Variants in AGPAT4 observed in about 807,000 individuals in gnomAD.
The protein encoded by AGPAT4 is 1-acylglycerol-3-phosphate O-acyltransferase 4.
AGPAT4 carries 15 observed loss-of-function variants against 48.0 expected under a neutral mutation model. The observed-to-expected ratio is 0.31, with a 90% confidence interval of 0.21 to 0.48. The LOEUF is 0.48. Ranked by LOEUF, AGPAT4 falls within the 20% of genes least tolerant of loss-of-function variation. AGPAT4 has a pLI of 0.99. For missense variants in AGPAT4, 314 were observed against 482.5 expected, an observed-to-expected ratio of 0.65 and a Z score of 3.27; for synonymous variants, 178 against 198.7, an observed-to-expected ratio of 0.90 and a Z score of 0.88.
In AGPAT4 at chr6:161,184,467, G is replaced by C. The variant is rs1780708008; in HGVS notation, c.179-18050C>G. ...GGGAGATAGAGGGGCAGGTGATGGA[G>C]GAGTCTGGCATTTGGGTTTGAACAC... On this transcript the variant is annotated intron_variant, in intron 2 of 8. Coordinates refer to ENST00000320285, the MANE Select transcript of AGPAT4 (RefSeq NM_020133.3). This position sits in a 1 kb window ranked among gnomAD's most constrained non-coding sequence, Gnocchi z 4.8. Among the ~76,000 whole-genome samples, 1 of 152,020 alleles carries C rather than the reference G, an allele frequency of 6.6e-6. No individual in the cohort carries two copies. The highest frequency in any genetic ancestry group is 1.5e-5 in the Non-Finnish European group (1 of 67,990).
In AGPAT4 at chr6:161,216,439, G is replaced by A. The variant is rs113479702; in HGVS notation, c.178+15597C>T. Among the ~76,000 whole-genome samples the A allele has an allele frequency of 7.2e-4, 110 of 152,258 alleles. No individual in the cohort carries two copies. Among genetic ancestry groups the A allele is most frequent in the African/African-American group, 2.5e-3 (102 of 41,548 alleles). ...CTCACTCTCCTCAGGACAGTGAAAC[G>A]CTTCCGGGCAATCGTTCTTTCCTCA... On this transcript the variant is annotated intron_variant, in intron 2 of 8. Coordinates refer to ENST00000320285, the MANE Select transcript of AGPAT4 (RefSeq NM_020133.3). The surrounding 1 kb of genome is among the most constrained non-coding windows in gnomAD (Gnocchi z 4.8).
In AGPAT4 at chr6:161,155,535, A is replaced by C. The variant is rs1243651562; in HGVS notation, c.349-1225T>G. On this transcript the variant is annotated intron_variant, in intron 3 of 8. Coordinates refer to ENST00000320285, the MANE Select transcript of AGPAT4 (RefSeq NM_020133.3). The surrounding 1 kb of genome is among the most constrained non-coding windows in gnomAD (Gnocchi z 5.8). ...CTACTGGCAGAACAGAAAAAGGTCT[A>C]AACAGCCAATTGCTACCCTACTTTA... is the stretch of plus-strand genomic sequence containing the variant. Among the ~76,000 whole-genome samples the C allele has an allele frequency of 6.6e-6, 1 of 152,210 alleles. No homozygotes were observed. The highest frequency in any genetic ancestry group is 1.9e-4 in the East Asian group (1 of 5,184).
At chr6:161,228,660 G>GAAAAAAAAAAA (rs1562347784) in intron 2 of AGPAT4, among the ~76,000 whole-genome samples, 1 of 53,020 alleles carries the variant, frequency 1.9e-5, no homozygotes, top group African/African-American at 1.8e-4. Context: ...TGTCAGAGAG[G>GAAAAAAAAAAA]TAAAAAAAAA....
At position 161,166,224 on chromosome 6, in the gene AGPAT4, G is replaced by GT. The variant is rs1562320619; in HGVS notation, c.348+23_348+24insA. ...CTGAACCAGAGAAATGTGTGAGGCA[G>GT]GGGGGAATGCACTTCTGACTTACCC... On this transcript the variant is annotated intron_variant, in intron 3 of 8. Transcript: ENST00000320285. This position sits in a 1 kb window ranked among gnomAD's most constrained non-coding sequence, Gnocchi z 6.7. The GT allele has an allele frequency of 6.2e-7, 1 of 1,609,488 alleles. No homozygotes were observed.
Position 161,155,187 on chromosome 6 carries a change from C to T in AGPAT4, c.349-877G>A, listed in dbSNP as rs974659037. 1.3e-5 allele frequency among the ~76,000 whole-genome samples: 2 copies of T among 152,330 alleles called. No individual in the cohort carries two copies. The highest frequency in any genetic ancestry group is 2.4e-5 in the African/African-American group (1 of 41,578). On this transcript the variant is annotated intron_variant, in intron 3 of 8. Transcript: ENST00000320285. This position sits in a 1 kb window ranked among gnomAD's most constrained non-coding sequence, Gnocchi z 5.8. ...CTCGGTGTGGCCCTCCCCAGCCAGG[C>T]GTCCACTACATCAGTCCCCCTACAC...
chr6:161,237,818 C>T (rs1235426179), intron 1 of AGPAT4, among the ~76,000 whole-genome samples: 2 of 152,144 alleles, frequency 1.3e-5, no homozygotes, highest in South Asian at 2.1e-4. Flanking sequence ...CTCCATTTCC[C>T]AGCCCCCGTG....
intron 2 of AGPAT4, among the ~76,000 whole-genome samples, chr6:161,205,369 T>C (rs1781352731): frequency 2.0e-5 from 3 of 152,080 alleles, no homozygotes; most frequent in Admixed American, 1.3e-4. Context: ...CTATGTCCTG[T>C]GGGGGAGGTT....
intron 2 of AGPAT4, among the ~76,000 whole-genome samples, chr6:161,172,770 T>C (rs942245048): frequency 4.6e-5 from 7 of 152,120 alleles, no homozygotes; most frequent in African/African-American, 1.2e-4. Context: ...ATTAGGTATA[T>C]CTCCTAATGC....
rs114373008 is a variant in AGPAT4 at position 161,132,427 on chromosome 6, C to G, written c.*4113G>C. The G allele has an allele frequency of 2.4e-4, 37 of 152,364 alleles. No homozygotes were observed. The highest frequency in any genetic ancestry group is 8.9e-4 in the African/African-American group (37 of 41,578). 9.4% of individuals were successfully genotyped at this position (152,364 alleles called of 1,614,324 possible). On this transcript the variant is annotated 3_prime_UTR_variant, in exon 9 of 9. Transcript: ENST00000320285. Reference sequence around the variant, plus strand: ...AGAGCCTGAGATTCAAGATGCTGGTCTCTTCTGAACACACCGTGGAGCAAT... The same window carrying G: ...AGAGCCTGAGATTCAAGATGCTGGTGTCTTCTGAACACACCGTGGAGCAAT...
Position 161,243,017 on chromosome 6 carries a change from T to G in AGPAT4, c.-89-10715A>C, listed in dbSNP as rs1245738026. 6.6e-6 allele frequency among the ~76,000 whole-genome samples: 1 copy of G among 152,020 alleles called. No homozygotes were observed. Among genetic ancestry groups the G allele is most frequent in the Non-Finnish European group, 1.5e-5 (1 of 68,002 alleles). Reference sequence around the variant, plus strand: ...GGTGGAGGTTGCAGTGAGTGGAGATTGCGCCACTGCACTCCAGCTTGGGCG... The same window carrying G: ...GGTGGAGGTTGCAGTGAGTGGAGATGGCGCCACTGCACTCCAGCTTGGGCG... On this transcript the variant is annotated intron_variant, in intron 1 of 8. Coordinates refer to ENST00000320285, the MANE Select transcript of AGPAT4 (RefSeq NM_020133.3). This position sits in a 1 kb window ranked among gnomAD's most constrained non-coding sequence, Gnocchi z 4.8.
rs1246765181 is a variant in AGPAT4, at chr6:161,161,070, A to G, written c.348+5178T>C. ...GATACCAAGTCGGTGTACAGCAGAC[A>G]GCACAGGCTGTGACCGTTTGCTGAG... On this transcript the variant is annotated intron_variant, in intron 3 of 8. Coordinates refer to ENST00000320285, the MANE Select transcript of AGPAT4 (RefSeq NM_020133.3). The surrounding 1 kb of genome is among the most constrained non-coding windows in gnomAD (Gnocchi z 4.6). 6.6e-6 allele frequency: 3 copies of G among 456,742 alleles called. No homozygotes were observed. Among genetic ancestry groups the G allele is most frequent in the South Asian group, 4.6e-5 (3 of 64,558 alleles). 28.3% of individuals were successfully genotyped at this position (456,742 alleles called of 1,614,324 possible).
rs1779518558 is a variant in AGPAT4, at chr6:161,149,141, T to G, written c.767+46A>C. ...CTAGGTCATTTGTGATGTGTTTACT[T>G]TGAAATGGGCACTGTCTTTTCTGGA... is the stretch of plus-strand genomic sequence containing the variant. On this transcript the variant is annotated intron_variant, in intron 6 of 8. Transcript: ENST00000320285. This position sits in a 1 kb window ranked among gnomAD's most constrained non-coding sequence, Gnocchi z 6.5. 6.3e-7 allele frequency: 1 copy of G among 1,596,698 alleles called. No individual in the cohort carries two copies. The highest frequency in any genetic ancestry group is 8.5e-7 in the Non-Finnish European group (1 of 1,173,112).
intron 1 of AGPAT4, among the ~76,000 whole-genome samples, chr6:161,263,311 G>A (rs1783160278): frequency 6.6e-6 from 1 of 152,174 alleles, no homozygotes; most frequent in Non-Finnish European, 1.5e-5. Flanking sequence ...CCAACATGGT[G>A]AAACCCTGTC....
At chr6:161,224,981 A>G (rs11964785) in intron 2 of AGPAT4, among the ~76,000 whole-genome samples, 7,282 of 152,260 alleles carry the variant, frequency 0.048, 554 homozygotes, top group African/African-American at 0.16. Context: ...TGTTTCGATT[A>G]CCTGCTCCAC....
In AGPAT4 at chr6:161,161,256, A is replaced by G. The variant is rs979893102; in HGVS notation, c.348+4992T>C. 4.4e-6 allele frequency: 2 copies of G among 456,480 alleles called. No individual in the cohort carries two copies. Among genetic ancestry groups the G allele is most frequent in the Non-Finnish European group, 8.8e-6 (2 of 226,942 alleles). The allele number at this position is 456,480 out of a possible 1,614,324, so 28.3% of individuals were successfully genotyped here. A position where few individuals can be genotyped will look rare whatever the true frequency, so the allele number is the denominator to read the frequency against. On this transcript the variant is annotated intron_variant, in intron 3 of 8. Transcript: ENST00000320285. The surrounding 1 kb of genome is among the most constrained non-coding windows in gnomAD (Gnocchi z 4.6). ...ACGTGGGACCGGACTTTTACAGATGAGCATGCGCTCCCACCTCCAGGATGG... is the reference window on the plus strand; with the variant it reads ...ACGTGGGACCGGACTTTTACAGATGGGCATGCGCTCCCACCTCCAGGATGG...
chr6:161,170,940 C>G (rs933914730), intron 2 of AGPAT4, among the ~76,000 whole-genome samples: 5 of 152,222 alleles, frequency 3.3e-5, no homozygotes, highest in African/African-American at 1.2e-4. Flanking sequence ...CGTTCTCTTC[C>G]CACAAGATTC....
chr6:161,202,471 C>G lies in AGPAT4; in HGVS notation c.178+29565G>C, dbSNP rs1242330878. Among the ~76,000 whole-genome samples, 1 of 152,024 alleles carries G rather than the reference C, an allele frequency of 6.6e-6. No individual in the cohort carries two copies. The highest frequency in any genetic ancestry group is 1.5e-5 in the Non-Finnish European group (1 of 68,006). On this transcript the variant is annotated intron_variant, in intron 2 of 8. Transcript: ENST00000320285. The surrounding 1 kb of genome is among the most constrained non-coding windows in gnomAD (Gnocchi z 5.4). ...GCCTCACCTTGAAAGTTACAAAGCA[C>G]CATTTATGTCACTTAGTTGAAGAGA...
rs1258061274 is a variant in AGPAT4, at chr6:161,169,911, G to C, written c.179-3494C>G. On this transcript the variant is annotated intron_variant, in intron 2 of 8. Transcript: ENST00000320285. This position sits in a 1 kb window ranked among gnomAD's most constrained non-coding sequence, Gnocchi z 5.0. ...CATTTTGTAGGTCACACATGTTTTT[G>C]CTGATCTGCTGATTCACGTCTTCAG... Among the ~76,000 whole-genome samples the C allele has an allele frequency of 6.6e-6, 1 of 152,112 alleles. No individual in the cohort carries two copies. Among genetic ancestry groups the C allele is most frequent in the South Asian group, 2.1e-4 (1 of 4,824 alleles).
At chr6:161,210,034 A>AT (rs1194512767) in intron 2 of AGPAT4, among the ~76,000 whole-genome samples, 1 of 152,124 alleles carries the variant, frequency 6.6e-6, no homozygotes, top group Non-Finnish European at 1.5e-5. Flanking sequence ...TTTAAAAAAA[A>AT]TTTTTTTAAG....
Sources: gnomAD v4.1 joint callset for allele counts (sites outside exome capture counted in the v4.1 genomes callset) on GRCh38, gnomAD v4.1.1 for gene constraint, Gnocchi (gnomAD v3.1) non-coding constraint, MANE v1.5 for transcripts, NCBI Gene and HGNC (gene_info 2026-07-23, HGNC 2026-07-21) for gene names.